Variants in GAK observed in about 807,000 individuals in gnomAD.
GAK encodes cyclin-G-associated kinase.
In GAK, 79 loss-of-function variants were observed where a neutral mutation model predicts 143.9. The ratio of observed to expected loss-of-function variants is 0.55; its 90% CI spans 0.46 to 0.66. The LOEUF (loss-of-function observed/expected upper bound fraction) is 0.66, where lower values mean the gene tolerates loss of function less well. GAK is among the 30% of genes least tolerant of loss of function. GAK has a pLI of 0.00. For missense variants in GAK, 1,693 were observed against 1,779.7 expected (o/e 0.95, Z 0.88); for synonymous variants, 881 against 765.5 (o/e 1.15, Z -2.49).
In GAK at chr4:898,016, G is replaced by A. The variant is rs1719137344; in HGVS notation, c.651+17C>T. ...GGAAGGGCCAGCTTCCCCCAGCATA[G>A]GCCCCACTCAGCTCACCTCTTCCTC... is the stretch of plus-strand genomic sequence containing the variant. On this transcript the variant is annotated intron_variant, in intron 6 of 27. Transcript: ENST00000314167. The A allele has an allele frequency of 6.2e-7, 1 of 1,606,694 alleles. No homozygotes were observed. The highest frequency in any genetic ancestry group is 1.3e-5 in the African/African-American group (1 of 74,766).
At chr4:893,834 C>T (rs1718176466) in intron 8 of GAK, 40 bp downstream of exon 8, 1 of 1,534,848 alleles carries the variant, frequency 6.5e-7, no homozygotes, top group African/African-American at 1.4e-5. Context: ...GGTCTGTGCT[C>T]CAGGGTCCTG....
chr4:855,224 G>A (rs79964683), intron 24 of GAK, among the ~76,000 whole-genome samples: 6,042 of 152,074 alleles, frequency 0.04, 146 homozygotes, highest in East Asian at 0.1. Flanking sequence ...TGCAGCGTCC[G>A]TCCCTTCACT....
chr4:913,549 CCAGA>C (rs1010355602), intron 2 of GAK, 54 bp downstream of exon 2: 2 of 1,299,018 alleles, frequency 1.5e-6, no homozygotes, highest in African/African-American at 2.9e-5. Context: ...AAGACTGTCA[CCAGA>C]CAGTCCCTTT....
intron 1 of GAK, among the ~76,000 whole-genome samples, chr4:924,369 C>A (rs1406418125): frequency 6.6e-6 from 1 of 152,078 alleles, no homozygotes; most frequent in African/African-American, 2.4e-5. Context: ...AATGGTGCAG[C>A]TACCGTGGAA....
At chr4:850,856 C>T (rs1388463348) in intron 26 of GAK, 80 bp downstream of exon 26, 3 of 1,484,564 alleles carry the variant, frequency 2.0e-6, no homozygotes, top group Non-Finnish European at 2.7e-6. Context: ...GAGACGCCGG[C>T]TCCATAAGGC....
chr4:885,362 G>A (rs1716102807), intron 11 of GAK, among the ~76,000 whole-genome samples: 1 of 152,226 alleles, frequency 6.6e-6, no homozygotes, highest in South Asian at 2.1e-4. Context: ...GATCACCTGA[G>A]GTTGGGAGTT....
chr4:892,182 C>T (rs1717804414), intron 9 of GAK, among the ~76,000 whole-genome samples: 1 of 152,234 alleles, frequency 6.6e-6, no homozygotes, highest in South Asian at 2.1e-4. Flanking sequence ...CCACGCTCCA[C>T]ACCCACCGCC....
intron 11 of GAK, 124 bp downstream of exon 11, chr4:888,723 C>T: frequency 1.7e-6 from 2 of 1,205,628 alleles, no homozygotes; most frequent in Non-Finnish European, 2.3e-6. Flanking sequence ...TGCTGTCCCA[C>T]TGCCTCAGGG....
intron 1 of GAK, among the ~76,000 whole-genome samples, chr4:931,024 C>T (rs1405472128): frequency 6.6e-6 from 1 of 152,174 alleles, no homozygotes; most frequent in African/African-American, 2.4e-5. Flanking sequence ...AATAGAGTTA[C>T]GCTTCCGCAC....
chr4:914,505 CCA>C (rs201563401), intron 1 of GAK, among the ~76,000 whole-genome samples: 6 of 106,648 alleles, frequency 5.6e-5, no homozygotes, highest in African/African-American at 1.1e-4. Flanking sequence ...GTGCACGGCC[CCA>C]CACACACACA....
Position 864,598 on chromosome 4 carries a change from G to A in GAK, c.3166+524C>T, listed in dbSNP as rs1175396090. On this transcript the variant is annotated intron_variant, in intron 23 of 27. Coordinates refer to ENST00000314167, the MANE Select transcript of GAK (RefSeq NM_005255.4). ...GGGAAGGACAGACGCTCACAGACAC[G>A]ACTGCTGTACGTGACCCCCTTCCTG... 3.3e-5 allele frequency among the ~76,000 whole-genome samples: 5 copies of A among 152,120 alleles called. No homozygotes were observed. In the East Asian group the frequency reaches 5.8e-4, roughly 18 times the overall value.
At chr4:913,100 C>G (rs2152939611) in intron 2 of GAK, among the ~76,000 whole-genome samples, 1 of 152,148 alleles carries the variant, frequency 6.6e-6, no homozygotes, top group South Asian at 2.1e-4. Context: ...ACGGGGGCAG[C>G]AGGCGTGCAG....
Position 851,333 on chromosome 4 carries a change from C to A in GAK, c.3509-249G>T, listed in dbSNP as rs1416676571. 1.6e-5 allele frequency: 7 copies of A among 445,206 alleles called. No homozygotes were observed. In the South Asian group the frequency reaches 1.7e-4, roughly 11 times the overall value. The allele number at this position is 445,206 out of a possible 1,614,324, so 27.6% of individuals were successfully genotyped here. A position where few individuals can be genotyped will look rare whatever the true frequency, so the allele number is the denominator to read the frequency against. ...CTGGTCTTGAACTCCTGGGCTCCAG[C>A]GATCTGTCCGCCTCAGCCTCCCAAA... On this transcript the variant is annotated intron_variant, in intron 25 of 27. Coordinates refer to ENST00000314167, the MANE Select transcript of GAK (RefSeq NM_005255.4).
At chr4:884,923 C>A (rs2152823317) in intron 11 of GAK, among the ~76,000 whole-genome samples, 1 of 152,334 alleles carries the variant, frequency 6.6e-6, no homozygotes, top group African/African-American at 2.4e-5. Context: ...GACCCAAATA[C>A]ACACGACCGA....
chr4:928,153 G>A (rs1234158342), intron 1 of GAK, among the ~76,000 whole-genome samples: 3 of 152,198 alleles, frequency 2.0e-5, no homozygotes, highest in South Asian at 2.1e-4. Flanking sequence ...CACCTCCCAG[G>A]TTCAAGTGAT....
At position 849,972 on chromosome 4, in the gene GAK, C is replaced by T. The variant is rs574435717; in HGVS notation, c.3754G>A (p.Val1252Met). 19 of 1,611,782 alleles carry T rather than the reference C, an allele frequency of 1.2e-5. No individual in the cohort carries two copies. The highest frequency in any genetic ancestry group is 1.4e-5 in the Non-Finnish European group (16 of 1,179,458). The change falls in exon 27 of 28, where the codon GTG becomes ATG. Residue 1252 changes from valine to methionine, a missense_variant. Physicochemically the swap from Val to Met is conservative, Grantham distance 21 (BLOSUM62 1). This residue lies in a region of GAK where 822 missense variants were observed against 788.7 expected (regional missense o/e 1.04). Coordinates refer to ENST00000314167, the MANE Select transcript of GAK (RefSeq NM_005255.4). Reference sequence around the variant, plus strand: ...GGAGCCACCAGGTCGGCCATGCCCACGGGCGTCCAGCGGCTCTCCCCGTCC... The same window carrying T: ...GGAGCCACCAGGTCGGCCATGCCCATGGGCGTCCAGCGGCTCTCCCCGTCC... ...LWDGESRWTP[V>M]GMADLVAPEQ...
intron 15 of GAK, among the ~76,000 whole-genome samples, chr4:880,753 T>C (rs1214067181): frequency 6.6e-6 from 1 of 152,222 alleles, no homozygotes; most frequent in Non-Finnish European, 1.5e-5. Flanking sequence ...GCCATGAACT[T>C]GAAGCTGGTC....
At chr4:905,581 C>T (rs970826380) in intron 4 of GAK, among the ~76,000 whole-genome samples, 1 of 151,500 alleles carries the variant, frequency 6.6e-6, no homozygotes, top group Non-Finnish European at 1.5e-5. Flanking sequence ...GACTTCGCCA[C>T]GCCCCAGGCC....
chr4:932,034 G>C lies in GAK; in HGVS notation c.145+9C>G, dbSNP rs1314325374. On this transcript the variant is annotated intron_variant, in intron 1 of 27. Transcript: ENST00000314167. The surrounding 1 kb of genome is among the most constrained non-coding windows in gnomAD (Gnocchi z 4.0). ...CGGCCGCACCCGCGCTGCCGACCCG[G>C]GGCCTCACCTTCGGCCAGGACCCGC... The C allele has an allele frequency of 2.5e-6, 4 of 1,569,184 alleles. No homozygotes were observed. Among genetic ancestry groups the C allele is most frequent in the South Asian group, 2.3e-5 (2 of 87,858 alleles).
Sources: allele counts gnomAD v4.1 joint callset (sites outside exome capture counted in the v4.1 genomes callset), GRCh38; gene constraint gnomAD v4.1.1; regional missense constraint gnomAD v4.1.1; non-coding constraint Gnocchi (gnomAD v3.1); transcripts MANE v1.5; gene names NCBI Gene and HGNC (gene_info 2026-07-23, HGNC 2026-07-21).